The following JAKMIP1 variants were observed in gnomAD, a reference collection of about 807,000 sequenced individuals.
The protein encoded by JAKMIP1 is janus kinase and microtubule interacting protein 1, also known as janus kinase and microtubule-interacting protein 1.
Under a neutral mutation model 113.0 loss-of-function variants are expected in JAKMIP1, and 33 were observed. The observed-to-expected ratio is 0.29, with a 90% CI of 0.22 to 0.39. JAKMIP1 has a LOEUF of 0.39. JAKMIP1 is among the 10% of genes least tolerant of loss of function. The pLI, the probability that JAKMIP1 is intolerant of heterozygous loss-of-function variation, is 1.00. For missense variants in JAKMIP1, 813 were observed against 1,080.5 expected (o/e 0.75, Z 3.47); for synonymous variants, 480 against 459.9 (o/e 1.04, Z -0.56).
chr4:6,146,973 G>T (rs10010404), intron 1 of JAKMIP1, among the ~76,000 whole-genome samples: 10,125 of 151,468 alleles, frequency 0.067, 882 homozygotes, highest in African/African-American at 0.21. Flanking sequence ...TTTTGTTTTT[G>T]GGGGGATGGA....
In JAKMIP1 at chr4:6,088,156, A is replaced by G. The variant is rs1313124685; in HGVS notation, c.625-2527T>C. On this transcript the variant is annotated intron_variant, in intron 3 of 20. Transcript: ENST00000409021. The surrounding 1 kb of genome is among the most constrained non-coding windows in gnomAD (Gnocchi z 5.5). ...GGGTGCTGAGAAACATTAGAGAGCAAAAGAGACCAGCCGCCCTGCCCTAGG... is the reference window on the plus strand; with the variant it reads ...GGGTGCTGAGAAACATTAGAGAGCAGAAGAGACCAGCCGCCCTGCCCTAGG... 1.3e-5 allele frequency among the ~76,000 whole-genome samples: 2 copies of G among 152,238 alleles called. No individual in the cohort carries two copies. Among genetic ancestry groups the G allele is most frequent in the Non-Finnish European group, 2.9e-5 (2 of 68,042 alleles).
At chr4:6,032,660 C>A (rs943496610) in intron 19 of JAKMIP1, among the ~76,000 whole-genome samples, 2 of 149,222 alleles carry the variant, frequency 1.3e-5, no homozygotes, top group Non-Finnish European at 3.0e-5. Context: ...AACAACACAA[C>A]ACAAAACAAA....
chr4:6,105,204 G>A (rs1039582694), intron 3 of JAKMIP1, among the ~76,000 whole-genome samples: 2 of 152,228 alleles, frequency 1.3e-5, no homozygotes, highest in Admixed American at 6.5e-5. Context: ...ATAAATGCCC[G>A]ACACTTAGAT....
At chr4:6,035,487 A>G (rs1307470711) in intron 19 of JAKMIP1, among the ~76,000 whole-genome samples, 1 of 152,156 alleles carries the variant, frequency 6.6e-6, no homozygotes, top group Non-Finnish European at 1.5e-5. Context: ...GAACCTTGGA[A>G]GACATTGAGG....
chr4:6,120,194 TTAACA>T (rs1179645029), intron 1 of JAKMIP1, among the ~76,000 whole-genome samples: 1 of 151,778 alleles, frequency 6.6e-6, no homozygotes. Context: ...TTTTTTTTTT[TTAACA>T]AACATTCATT....
At chr4:6,120,977 A>G (rs1053553049) in intron 1 of JAKMIP1, among the ~76,000 whole-genome samples, 2 of 152,196 alleles carry the variant, frequency 1.3e-5, no homozygotes, top group African/African-American at 2.4e-5. Flanking sequence ...AGGCAAGCGG[A>G]TCACCTGAGA....
rs1483039965 is a variant in JAKMIP1, at chr4:6,094,727, C to T, written c.625-9098G>A. Among the ~76,000 whole-genome samples the T allele has an allele frequency of 1.3e-5, 2 of 152,240 alleles. No homozygotes were observed. Among genetic ancestry groups the T allele is most frequent in the African/African-American group, 4.8e-5 (2 of 41,466 alleles). ...TGAAAAATACAGCCAGACGCAGTGG[C>T]TCACGCCTATAATCCCAGCACTTTG... On this transcript the variant is annotated intron_variant, in intron 3 of 20. Coordinates refer to ENST00000409021, the MANE Select transcript of JAKMIP1 (RefSeq NM_001099433.2). This position sits in a 1 kb window ranked among gnomAD's most constrained non-coding sequence, Gnocchi z 4.2.
At chr4:6,079,699 C>T (rs574274469) in intron 7 of JAKMIP1, among the ~76,000 whole-genome samples, 10 of 152,262 alleles carry the variant, frequency 6.6e-5, no homozygotes, top group Non-Finnish European at 1.0e-4. Flanking sequence ...CCCATATACA[C>T]GTCCAAAACT....
Position 6,105,703 on chromosome 4 carries a change from G to A in JAKMIP1, c.394C>T (p.Leu132=). 6.2e-7 allele frequency: 1 copy of A among 1,603,532 alleles called. No individual in the cohort carries two copies. Among genetic ancestry groups the A allele is most frequent in the South Asian group, 1.1e-5 (1 of 90,492 alleles). ...DGAADKVKTA[L]LTEAREEARR... is the part of the protein sequence containing the mutation. ...GCCTCCTCGCGCGCCTCGGTCAGCA[G>A]CGCCGTCTTGACCTTGTCGGCCGCG... Residue 132 remains leucine (L), a synonymous_variant, in exon 3 of 21, where the codon CTG becomes TTG. Coordinates refer to ENST00000409021, the MANE Select transcript of JAKMIP1 (RefSeq NM_001099433.2).
chr4:6,029,800 C>G lies in JAKMIP1; in HGVS notation c.2380-19G>C. ...GGATTCTCTGAAATACACCAGGTTA[C>G]GTGTCAGAAAAAGTAAGTTTTCCAG... On this transcript the variant is annotated intron_variant, in intron 19 of 20. Transcript: ENST00000409021. 6.4e-7 allele frequency: 1 copy of G among 1,570,388 alleles called. No homozygotes were observed. The highest frequency in any genetic ancestry group is 1.8e-5 in the Admixed American group (1 of 56,684).
rs1721600706 is a variant in JAKMIP1, at chr4:6,088,431, C to A, written c.625-2802G>T. Among the ~76,000 whole-genome samples the A allele has an allele frequency of 6.6e-6, 1 of 152,156 alleles. No individual in the cohort carries two copies. Among genetic ancestry groups the A allele is most frequent in the Non-Finnish European group, 1.5e-5 (1 of 68,040 alleles). ...CCCCCGCCACTGCCTTCCACTAGCT[C>A]CCCACAAAAGACAGCACCGTCGCGA... is the stretch of plus-strand genomic sequence containing the variant. On this transcript the variant is annotated intron_variant, in intron 3 of 20. Transcript: ENST00000409021. The surrounding 1 kb of genome is among the most constrained non-coding windows in gnomAD (Gnocchi z 5.5).
chr4:6,037,554 T>G (rs1324577665), intron 18 of JAKMIP1, among the ~76,000 whole-genome samples: 251 of 113,476 alleles, frequency 2.2e-3, no homozygotes, highest in Non-Finnish European at 3.3e-3. Context: ...CTAACCGGTA[T>G]CCCTCCATCA....
rs1013186704 is a variant in JAKMIP1 at position 6,031,236 on chromosome 4, C to A, written c.2380-1455G>T. Among the ~76,000 whole-genome samples the A allele has an allele frequency of 3.3e-5, 5 of 152,100 alleles. No homozygotes were observed. Among genetic ancestry groups the A allele is most frequent in the African/African-American group, 7.2e-5 (3 of 41,400 alleles). On this transcript the variant is annotated intron_variant, in intron 19 of 20. Transcript: ENST00000409021. The surrounding 1 kb of genome is among the most constrained non-coding windows in gnomAD (Gnocchi z 4.4). Reference sequence around the variant, plus strand: ...TCACCGGAGGTCAGGAGTTCAAGACCAGCCTGACCAACATGGTGAAATGTC... The same window carrying A: ...TCACCGGAGGTCAGGAGTTCAAGACAAGCCTGACCAACATGGTGAAATGTC...
intron 2 of JAKMIP1, among the ~76,000 whole-genome samples, chr4:6,112,235 C>T (rs952019699): frequency 2.6e-5 from 4 of 152,214 alleles, no homozygotes; most frequent in African/African-American, 9.7e-5. Flanking sequence ...CCAATCACAG[C>T]AGCTGAGCAT....
At position 6,081,647 on chromosome 4, in the gene JAKMIP1, C is replaced by T. The variant is rs774144967; in HGVS notation, c.1063G>A (p.Glu355Lys). 5.0e-6 allele frequency: 8 copies of T among 1,614,078 alleles called. No homozygotes were observed. Among genetic ancestry groups the T allele is most frequent in the Non-Finnish European group, 6.8e-6 (8 of 1,180,040 alleles). ...TCCCGCGTGAGGTTCTTGATTTTCT[C>T]CTCCATCCTCTGGATACTCTGCAAC... ...DLLQSIQRMEEKIKNLTRENV... is the reference protein window; with the variant it reads ...DLLQSIQRMEKKIKNLTRENV... Residue 355 changes from glutamate to lysine, a missense_variant, in exon 6 of 21, where the codon GAG becomes AAG. Around this residue, in one of 2 missense-constraint regions of JAKMIP1, gnomAD observed 540 missense variants for 653.9 expected, o/e 0.83. Transcript: ENST00000409021. This position sits in a 1 kb window ranked among gnomAD's most constrained non-coding sequence, Gnocchi z 4.6.
intron 8 of JAKMIP1, among the ~76,000 whole-genome samples, chr4:6,066,181 C>T (rs183488649): frequency 1.1e-4 from 16 of 152,194 alleles, no homozygotes; most frequent in Admixed American, 1.0e-3. Context: ...CCAGGCACTC[C>T]CCACATACTA....
rs146594303 is a variant in JAKMIP1, at chr4:6,130,799, C to T, written c.-147-17802G>A. ...CACAGCTGAAGGAAGAAGCAGTGGG[C>T]TTCAACATACGTCAATAGAATATTT... is the stretch of plus-strand genomic sequence containing the variant. On this transcript the variant is annotated intron_variant, in intron 1 of 20. Transcript: ENST00000409021. 2.7e-4 allele frequency among the ~76,000 whole-genome samples: 41 copies of T among 152,020 alleles called. 1 individual carries two copies. The East Asian group carries it at 7.3e-3, about 27-fold the overall frequency.
Position 6,116,818 on chromosome 4 carries a change from A to T in JAKMIP1, c.-147-3821T>A, listed in dbSNP as rs1715858728. Among the ~76,000 whole-genome samples the T allele has an allele frequency of 6.6e-6, 1 of 152,220 alleles. No homozygotes were observed. Among genetic ancestry groups the T allele is most frequent in the Non-Finnish European group, 1.5e-5 (1 of 68,042 alleles). ...ACATAAAACAATGATGGCTTGTGGT[A>T]GGTGCTGGAAAGAACAAGTCTACAG... On this transcript the variant is annotated intron_variant, in intron 1 of 20. Transcript: ENST00000409021. This position sits in a 1 kb window ranked among gnomAD's most constrained non-coding sequence, Gnocchi z 5.1.
chr4:6,072,780 T>C (rs1181096926), intron 8 of JAKMIP1, among the ~76,000 whole-genome samples: 1 of 152,108 alleles, frequency 6.6e-6, no homozygotes, highest in Non-Finnish European at 1.5e-5. Context: ...AATGGGTAGC[T>C]TTGGCAAAAC....
Sources: gnomAD v4.1 joint callset for allele counts (sites outside exome capture counted in the v4.1 genomes callset) on GRCh38, gnomAD v4.1.1 for gene constraint, gnomAD v4.1.1 regional missense constraint, Gnocchi (gnomAD v3.1) non-coding constraint, MANE v1.5 for transcripts, NCBI Gene and HGNC (gene_info 2026-07-23, HGNC 2026-07-21) for gene names.